RERE: variants seen among roughly 807,000 people sequenced by gnomAD.
RERE encodes the protein arginine-glutamic acid dipeptide repeats protein.
A neutral mutation model predicts 146.1 loss-of-function variants in RERE; 40 were observed. The ratio of observed to expected loss-of-function variants is 0.27; its 90% confidence interval spans 0.21 to 0.36. The LOEUF (loss-of-function observed/expected upper bound fraction) is 0.36. RERE is among the 10% of genes least tolerant of loss of function. The pLI is 1.00. For synonymous variants in RERE, 1,003 were observed against 866.0 expected (o/e 1.16, Z -2.78); for missense variants, 1,933 against 2,138.7 (o/e 0.90, Z 1.90).
At chr1:8,632,870 T>A (rs1647050673) in intron 2 of RERE, among the ~76,000 whole-genome samples, 1 of 152,244 alleles carries the variant, frequency 6.6e-6, no homozygotes, top group African/African-American at 2.4e-5. Flanking sequence ...AATAAAAGTT[T>A]AATTGCCATT....
intron 2 of RERE, among the ~76,000 whole-genome samples, chr1:8,653,689 C>A (rs1647758157): frequency 7.4e-6 from 1 of 135,392 alleles, no homozygotes. Flanking sequence ...AGCGAGACTC[C>A]ACCTCAAAAA....
At chr1:8,662,456 T>A (rs1638475988) in intron 1 of RERE, among the ~76,000 whole-genome samples, 1 of 152,164 alleles carries the variant, frequency 6.6e-6, no homozygotes, top group Non-Finnish European at 1.5e-5. Flanking sequence ...GGAGAAATCA[T>A]TTGAGGCAAG....
chr1:8,725,148 A>C (rs1052478937), intron 1 of RERE, among the ~76,000 whole-genome samples: 1 of 152,238 alleles, frequency 6.6e-6, no homozygotes, highest in African/African-American at 2.4e-5. Context: ...AAGGCAATAC[A>C]TGATACTCGT....
intron 1 of RERE, among the ~76,000 whole-genome samples, chr1:8,683,844 A>G (rs1430448195): frequency 6.6e-6 from 1 of 152,156 alleles, no homozygotes; most frequent in African/African-American, 2.4e-5. Flanking sequence ...CAGGAGACTG[A>G]GGCAGGAGAA....
intron 1 of RERE, among the ~76,000 whole-genome samples, chr1:8,761,717 A>G (rs941179522): frequency 7.9e-5 from 12 of 152,300 alleles, no homozygotes; most frequent in African/African-American, 2.9e-4. Flanking sequence ...CAGGAGTTCA[A>G]GACCAGCCTG....
At chr1:8,736,417 C>A (rs1375116650) in intron 1 of RERE, among the ~76,000 whole-genome samples, 1 of 152,092 alleles carries the variant, frequency 6.6e-6, no homozygotes, top group Non-Finnish European at 1.5e-5. Flanking sequence ...CCGTCTTAAC[C>A]AGGATGGTCT....
chr1:8,698,694 T>C (rs879534935), intron 1 of RERE, among the ~76,000 whole-genome samples: 1 of 152,148 alleles, frequency 6.6e-6, no homozygotes, highest in Non-Finnish European at 1.5e-5. Flanking sequence ...TTTTAATAGA[T>C]AGAGACAGGG....
chr1:8,410,602 GA>G (rs1163596142), intron 12 of RERE, among the ~76,000 whole-genome samples: 3 of 152,236 alleles, frequency 2.0e-5, no homozygotes, highest in African/African-American at 7.2e-5. Context: ...GAATGCTGTA[GA>G]AGATTCAGGT....
At chr1:8,648,027 C>T (rs75675758) in intron 2 of RERE, among the ~76,000 whole-genome samples, 2,311 of 152,220 alleles carry the variant, frequency 0.015, 61 homozygotes, top group African/African-American at 0.053. Flanking sequence ...TTTCACAGAA[C>T]AAGTCCATGT....
chr1:8,366,003 G>GA (rs1485729929), intron 12 of RERE, 29 bp from the exon 13 acceptor site: 1 of 1,608,992 alleles, frequency 6.2e-7, no homozygotes, highest in Admixed American at 1.7e-5. Flanking sequence ...GACTGTGGGG[G>GA]AGGGCCTGGG....
intron 12 of RERE, among the ~76,000 whole-genome samples, chr1:8,419,300 C>T (rs575254917): frequency 1.9e-4 from 29 of 152,154 alleles, no homozygotes; most frequent in Admixed American, 3.3e-4. Flanking sequence ...AGCCACTATT[C>T]CCACTTCAGT....
rs188473519 is a variant in RERE, at chr1:8,353,522, G to A, written c.*1565C>T. ...TCCAGTGTCTGAGAGAAAAGGATCG[G>A]AAGAGGCCACGTCCTGGCAGGAAGC... On this transcript the variant is annotated 3_prime_UTR_variant, in exon 23 of 23. Transcript: ENST00000400908. The A allele has an allele frequency of 3.1e-4, 48 of 152,454 alleles. No individual in the cohort carries two copies. The highest frequency in any genetic ancestry group is 1.1e-3 in the African/African-American group (47 of 41,578). The allele number at this position is 152,454 out of a possible 1,614,324, so 9.4% of individuals were successfully genotyped here.
At chr1:8,586,996 C>T (rs185302210) in intron 4 of RERE, among the ~76,000 whole-genome samples, 1 of 152,206 alleles carries the variant, frequency 6.6e-6, no homozygotes, top group Admixed American at 6.6e-5. Context: ...AAGCAAAAAA[C>T]ATTTATGGGA....
At chr1:8,795,995 A>C (rs1005799808) in intron 1 of RERE, among the ~76,000 whole-genome samples, 8 of 149,232 alleles carry the variant, frequency 5.4e-5, no homozygotes, top group Non-Finnish European at 8.9e-5. Context: ...AAAAAAAAAA[A>C]AAACAAAACA....
At chr1:8,695,479 G>A (rs1342189046) in intron 1 of RERE, among the ~76,000 whole-genome samples, 2 of 150,932 alleles carry the variant, frequency 1.3e-5, no homozygotes, top group African/African-American at 4.9e-5. Flanking sequence ...GCCAGGCATG[G>A]TAGCTCATGC....
In RERE at chr1:8,418,687, G is replaced by A. The variant is rs1570193551; in HGVS notation, c.1284+4040C>T. On this transcript the variant is annotated intron_variant, in intron 12 of 22. Transcript: ENST00000400908. Reference sequence around the variant, plus strand: ...ACCACTGCTTGAATAATTATCTCATGATTTTGAAGAAAACTGCAATGTATA... The same window carrying A: ...ACCACTGCTTGAATAATTATCTCATAATTTTGAAGAAAACTGCAATGTATA... Among the ~76,000 whole-genome samples, 5 of 152,310 alleles carry A rather than the reference G, an allele frequency of 3.3e-5. No individual in the cohort carries two copies. In the South Asian group the frequency reaches 8.3e-4, roughly 25 times the overall value.
intron 2 of RERE, among the ~76,000 whole-genome samples, chr1:8,630,609 G>A (rs1262767685): frequency 1.3e-5 from 2 of 152,188 alleles, no homozygotes; most frequent in African/African-American, 4.8e-5. Flanking sequence ...AAGGACTGCT[G>A]CTCAGGAAGC....
At chr1:8,418,978 GAC>G (rs1009007942) in intron 12 of RERE, among the ~76,000 whole-genome samples, 1 of 152,162 alleles carries the variant, frequency 6.6e-6, no homozygotes, top group African/African-American at 2.4e-5. Context: ...TAACACTTAA[GAC>G]TCTGATGTGG....
intron 1 of RERE, among the ~76,000 whole-genome samples, chr1:8,699,376 T>C (rs142163011): frequency 3.6e-4 from 55 of 152,336 alleles, no homozygotes; most frequent in Admixed American, 6.5e-4. Flanking sequence ...AATTAATGAA[T>C]TACACCAGAG....
Sources: gnomAD v4.1 joint callset for allele counts (sites outside exome capture counted in the v4.1 genomes callset) on GRCh38, gnomAD v4.1.1 for gene constraint, MANE v1.5 for transcripts, NCBI Gene and HGNC (gene_info 2026-07-23, HGNC 2026-07-21) for gene names.